The following TSHZ1 variants were observed in gnomAD, a reference collection of about 807,000 sequenced individuals.
TSHZ1 encodes teashirt homolog 1.
In TSHZ1, 12 loss-of-function variants were observed where a neutral mutation model predicts 67.1. The observed-to-expected ratio is 0.18, with a 90% confidence interval of 0.11 to 0.29. TSHZ1 has a LOEUF of 0.29. Among genes scored for constraint, TSHZ1 ranks in the 10% least tolerant of loss-of-function variants. The pLI, the probability that TSHZ1 is intolerant of heterozygous loss-of-function variation, is 1.00. For missense variants in TSHZ1, 1,305 were observed against 1,413.9 expected (o/e 0.92, Z 1.23); for synonymous variants, 632 against 622.4 (o/e 1.02, Z -0.23).
chr18:75,212,431 A>C (rs554888619), intron 1 of TSHZ1, among the ~76,000 whole-genome samples: 1 of 151,776 alleles, frequency 6.6e-6, no homozygotes, highest in East Asian at 2.0e-4. Context: ...TTACCTCTAA[A>C]GATGTCTTTT....
At chr18:75,264,171 TA>T (rs1478862546) in intron 1 of TSHZ1, among the ~76,000 whole-genome samples, 2 of 152,240 alleles carry the variant, frequency 1.3e-5, no homozygotes. Context: ...AAGTATGTGT[TA>T]AAAATATATT....
chr18:75,210,896 AG>A lies in TSHZ1; in HGVS notation c.-970del, dbSNP rs372787732. The A allele has an allele frequency of 0.11, 8,411 of 79,548 alleles. 461 individuals are homozygous for A. The highest frequency in any genetic ancestry group is 0.14 in the Middle Eastern group (17 of 118). 4.9% of individuals were successfully genotyped at this position (79,548 alleles called of 1,614,324 possible). On this transcript the variant is annotated 5_prime_UTR_variant, in exon 1 of 2. Coordinates refer to ENST00000580243, the MANE Select transcript of TSHZ1 (RefSeq NM_001308210.2). ...CATCTCCCTCTCTCCCAGGAGTTTG[AG>A]GGGGGGGGGGACAGTCCACGCTCAT... is the stretch of plus-strand genomic sequence containing the variant.
rs1362271244 is a variant in TSHZ1, at chr18:75,288,079, A to G, written c.2672A>G (p.Asn891Ser). The G allele has an allele frequency of 1.2e-6, 2 of 1,613,510 alleles. No individual in the cohort carries two copies. Among genetic ancestry groups the G allele is most frequent in the African/African-American group, 1.3e-5 (1 of 74,934 alleles). The change falls in exon 2 of 2, where the codon AAC becomes AGC. Residue 891 changes from asparagine to serine, a missense_variant. By Grantham distance (46) the Asn-to-Ser change is conservative (BLOSUM62 1). Transcript: ENST00000580243. This position sits in a 1 kb window ranked among gnomAD's most constrained non-coding sequence, Gnocchi z 4.9. ...PVHKRKGRQS[N>S]WNPQHLLILQ... ...CACAAGAGGAAGGGCCGGCAGTCCA[A>G]CTGGAACCCGCAGCACCTTCTCATC... is the stretch of plus-strand genomic sequence containing the variant.
At position 75,277,388 on chromosome 18, in the gene TSHZ1, TGAGGAG is replaced by T. The variant is rs372745710; in HGVS notation, c.41-8044_41-8039del. ...ATTCATTCTGTGAGTCTGTGGGGTG[TGAGGAG>T]GAGGAGGAGGAGGAGCAGGCGTCCT... On this transcript the variant is annotated intron_variant, in intron 1 of 1. Transcript: ENST00000580243. 4.0e-5 allele frequency among the ~76,000 whole-genome samples: 6 copies of T among 151,376 alleles called. No homozygotes were observed. In the East Asian group the frequency reaches 5.8e-4, roughly 15 times the overall value.
At chr18:75,223,363 C>T (rs2022874639) in intron 1 of TSHZ1, among the ~76,000 whole-genome samples, 1 of 152,078 alleles carries the variant, frequency 6.6e-6, no homozygotes, top group Non-Finnish European at 1.5e-5. Flanking sequence ...GTAATAATTA[C>T]ATCTTTGTAT....
rs1019197704 is a variant in TSHZ1, at chr18:75,264,517, G to A, written c.41-20931G>A. On this transcript the variant is annotated intron_variant, in intron 1 of 1. Coordinates refer to ENST00000580243, the MANE Select transcript of TSHZ1 (RefSeq NM_001308210.2). ...TTTTTTTTTTTTAAGTGTAGGAGAA[G>A]GAGAAGAAAGGGAAAGGGCTATTTA... Among the ~76,000 whole-genome samples, 53 of 150,032 alleles carry A rather than the reference G, an allele frequency of 3.5e-4. 1 individual carries two copies. Among genetic ancestry groups the A allele is most frequent in the Non-Finnish European group, 6.5e-4 (44 of 67,826 alleles).
intron 1 of TSHZ1, among the ~76,000 whole-genome samples, chr18:75,278,931 C>T (rs916268048): frequency 6.6e-6 from 1 of 152,146 alleles, no homozygotes; most frequent in Non-Finnish European, 1.5e-5. Context: ...ATGGGGCGCC[C>T]TCCTGCCCAC....
intron 1 of TSHZ1, among the ~76,000 whole-genome samples, chr18:75,263,087 T>G (rs2023449901): frequency 1.3e-5 from 2 of 152,208 alleles, no homozygotes; most frequent in South Asian, 4.1e-4. Flanking sequence ...CCACAGTCAA[T>G]GTGTTGTGCG....
At position 75,276,292 on chromosome 18, in the gene TSHZ1, G is replaced by GC. The variant is rs1555729289; in HGVS notation, c.41-9156_41-9155insC. On this transcript the variant is annotated intron_variant, in intron 1 of 1. Transcript: ENST00000580243. ...GAAATTCTTAAAAATTGTTTCTATT[G>GC]TTTTTTTTTTTCTATCATGTCAGAG... Among the ~76,000 whole-genome samples the GC allele has an allele frequency of 2.7e-5, 4 of 149,060 alleles. No individual in the cohort carries two copies. In the East Asian group the frequency reaches 7.8e-4, roughly 29 times the overall value.
chr18:75,285,979 C>T lies in TSHZ1; in HGVS notation c.572C>T (p.Thr191Ile). 6 of 1,595,432 alleles carry T rather than the reference C, an allele frequency of 3.8e-6. No homozygotes were observed. The highest frequency in any genetic ancestry group is 5.1e-6 in the Non-Finnish European group (6 of 1,172,082). Residue 191 changes from threonine to isoleucine, a missense_variant, in exon 2 of 2, where the codon ACC becomes ATC. Physicochemically the swap from Thr to Ile is moderately conservative, Grantham distance 89 (BLOSUM62 -1). Transcript: ENST00000580243. ...ACCAGCCACAGCAGTACCACCAGTACCAGCAGCAGCTCCGGGTACGACTGG... is the reference window on the plus strand; with the variant it reads ...ACCAGCCACAGCAGTACCACCAGTATCAGCAGCAGCTCCGGGTACGACTGG... ...SSTSHSSTTS[T>I]SSSSGYDWHQ...
rs1193614586 is a variant in TSHZ1 at position 75,289,237 on chromosome 18, T to C, written c.*596T>C. On this transcript the variant is annotated 3_prime_UTR_variant, in exon 2 of 2. Transcript: ENST00000580243. ...GGGAAGATAGAAAGCTGTCTAGGAC[T>C]CACGGGGTTCGGAAGCCACACCTCT... 1 of 167,082 alleles carries C rather than the reference T, an allele frequency of 6.0e-6. No homozygotes were observed. Among genetic ancestry groups the C allele is most frequent in the East Asian group, 1.9e-4 (1 of 5,188 alleles). 10.3% of individuals were successfully genotyped at this position (167,082 alleles called of 1,614,324 possible). A position where few individuals can be genotyped will look rare whatever the true frequency, so the allele number is the denominator to read the frequency against.
chr18:75,288,862 A>C lies in TSHZ1; in HGVS notation c.*221A>C. 1.6e-6 allele frequency: 1 copy of C among 616,160 alleles called. No individual in the cohort carries two copies. Among genetic ancestry groups the C allele is most frequent in the Non-Finnish European group, 2.5e-6 (1 of 400,648 alleles). 38.2% of individuals were successfully genotyped at this position (616,160 alleles called of 1,614,324 possible). A position where few individuals can be genotyped will look rare whatever the true frequency, so the allele number is the denominator to read the frequency against. ...TCAAAGTCTGACCTTTATTTTCAACATCTGTTCTTGGTGTTAAGCTATCTT... is the reference window on the plus strand; with the variant it reads ...TCAAAGTCTGACCTTTATTTTCAACCTCTGTTCTTGGTGTTAAGCTATCTT... On this transcript the variant is annotated 3_prime_UTR_variant, in exon 2 of 2. Transcript: ENST00000580243. This position sits in a 1 kb window ranked among gnomAD's most constrained non-coding sequence, Gnocchi z 4.9.
intron 1 of TSHZ1, chr18:75,283,700 GTCTCTCA>G (rs1255286141): frequency 6.6e-6 from 1 of 152,266 alleles, no homozygotes; most frequent in East Asian, 1.9e-4. Context: ...CGATTCAGTC[GTCTCTCA>G]TTGTGTGTGT....
At chr18:75,269,169 C>G (rs2023527474) in intron 1 of TSHZ1, among the ~76,000 whole-genome samples, 1 of 152,156 alleles carries the variant, frequency 6.6e-6, no homozygotes. Flanking sequence ...GTGATTGGGC[C>G]ACATGGAAAT....
At chr18:75,246,403 G>GGGGTGTGTGT (rs1555727131) in intron 1 of TSHZ1, among the ~76,000 whole-genome samples, 9 of 108,432 alleles carry the variant, frequency 8.3e-5, no homozygotes, top group African/African-American at 3.2e-4. Flanking sequence ...TTTGGTTTCT[G>GGGGTGTGTGT]GTGTGTGTGT....
chr18:75,282,537 A>G (rs114982143), intron 1 of TSHZ1, among the ~76,000 whole-genome samples: 48 of 152,248 alleles, frequency 3.2e-4, no homozygotes, highest in African/African-American at 1.1e-3. Context: ...TTTAGGAAGT[A>G]ATTAACATTA....
chr18:75,211,976 G>A lies in TSHZ1; in HGVS notation c.40+60G>A, dbSNP rs1029821235. 3.3e-4 allele frequency: 389 copies of A among 1,175,748 alleles called. 1 individual carries two copies. Among genetic ancestry groups the A allele is most frequent in the East Asian group, 1.4e-3 (40 of 28,598 alleles). The allele number at this position is 1,175,748 out of a possible 1,614,324, so 72.8% of individuals were successfully genotyped here. A position where few individuals can be genotyped will look rare whatever the true frequency, so the allele number is the denominator to read the frequency against. ...GCGCCGGGAGGAGCAGGAGGAGGGG[G>A]CTTCGCGGGCCGAGGTGCGGGACGT... On this transcript the variant is annotated intron_variant, in intron 1 of 1. Coordinates refer to ENST00000580243, the MANE Select transcript of TSHZ1 (RefSeq NM_001308210.2).
chr18:75,264,029 A>G (rs887795447), intron 1 of TSHZ1, among the ~76,000 whole-genome samples: 1 of 152,242 alleles, frequency 6.6e-6, no homozygotes, highest in African/African-American at 2.4e-5. Context: ...GATGCTAACC[A>G]TAGAATAGTC....
intron 1 of TSHZ1, among the ~76,000 whole-genome samples, chr18:75,276,294 T>TG (rs1432569473): frequency 6.6e-6 from 1 of 151,252 alleles, no homozygotes; most frequent in Non-Finnish European, 1.5e-5. Flanking sequence ...TTTCTATTGT[T>TG]TTTTTTTTTC....
Sources: allele counts gnomAD v4.1 joint callset (sites outside exome capture counted in the v4.1 genomes callset), GRCh38; gene constraint gnomAD v4.1.1; non-coding constraint Gnocchi (gnomAD v3.1); transcripts MANE v1.5; gene names NCBI Gene and HGNC (gene_info 2026-07-23, HGNC 2026-07-21).